The following RABEP1 variants were observed in gnomAD, a reference collection of about 807,000 sequenced individuals.
RABEP1 encodes rabaptin, RAB GTPase binding effector protein 1, also known as rab GTPase-binding effector protein 1.
RABEP1 carries 51 observed loss-of-function variants against 123.4 expected under a neutral mutation model. That is an observed-to-expected ratio of 0.41 (90% CI 0.33 to 0.52). The LOEUF (loss-of-function observed/expected upper bound fraction) is 0.52. Ranked by LOEUF, RABEP1 falls within the 20% of genes least tolerant of loss-of-function variation. The pLI, the probability that RABEP1 is intolerant of heterozygous loss-of-function variation, is 0.16. For missense variants in RABEP1, 888 were observed against 996.3 expected (o/e 0.89, Z 1.46); for synonymous variants, 347 against 355.2 (o/e 0.98, Z 0.26).
intron 10 of RABEP1, 56 bp downstream of exon 10, chr17:5,363,072 G>A (rs1909697492): frequency 7.6e-7 from 1 of 1,315,254 alleles, no homozygotes; most frequent in Non-Finnish European, 1.1e-6. Context: ...TGGAGGTGCA[G>A]AATTAATTGC....
At chr17:5,380,273 G>T in intron 15 of RABEP1, 91 bp from the exon 16 acceptor site, 2 of 785,284 alleles carry the variant, frequency 2.5e-6, no homozygotes, top group Non-Finnish European at 4.0e-6. Context: ...CGAGTGTCTT[G>T]GTGTAATTCT....
At chr17:5,292,157 T>G (rs2075039720) in intron 1 of RABEP1, among the ~76,000 whole-genome samples, 1 of 152,218 alleles carries the variant, frequency 6.6e-6, no homozygotes. Flanking sequence ...ACGATGTCTG[T>G]TAGTCTCACT....
intron 1 of RABEP1, among the ~76,000 whole-genome samples, chr17:5,290,309 C>T (rs867728241): frequency 7.9e-5 from 12 of 152,126 alleles, no homozygotes; most frequent in Admixed American, 4.6e-4. Context: ...AGGATGGTCT[C>T]GCTCTCCTGA....
chr17:5,328,061 A>G (rs903274611), intron 2 of RABEP1, among the ~76,000 whole-genome samples: 2 of 152,354 alleles, frequency 1.3e-5, no homozygotes, highest in Admixed American at 6.5e-5. Context: ...TCAACAGTCA[A>G]CAATGTTGAG....
At chr17:5,313,109 CAA>C (rs1243658811) in intron 2 of RABEP1, among the ~76,000 whole-genome samples, 1 of 152,098 alleles carries the variant, frequency 6.6e-6, no homozygotes, top group African/African-American at 2.4e-5. Context: ...GACTCTGTCT[CAA>C]GAGAAATAAG....
intron 3 of RABEP1, among the ~76,000 whole-genome samples, chr17:5,332,475 T>C (rs1169735963): frequency 6.6e-6 from 1 of 152,190 alleles, no homozygotes. Flanking sequence ...TTAAGCTGTA[T>C]GGGCACAGGG....
intron 13 of RABEP1, among the ~76,000 whole-genome samples, chr17:5,376,324 T>A (rs938193603): frequency 6.6e-6 from 1 of 152,180 alleles, no homozygotes; most frequent in African/African-American, 2.4e-5. Flanking sequence ...GAAGATCCTG[T>A]CTCAAGAAAA....
chr17:5,346,965 C>T lies in RABEP1; in HGVS notation c.784+40C>T, dbSNP rs775946399. 29 of 1,476,142 alleles carry T rather than the reference C, an allele frequency of 2.0e-5. No homozygotes were observed. In the East Asian group the frequency reaches 6.0e-4, roughly 30 times the overall value. 91.4% of individuals were successfully genotyped at this position (1,476,142 alleles called of 1,614,324 possible). A position where few individuals can be genotyped will look rare whatever the true frequency, so the allele number is the denominator to read the frequency against. ...TATTTTTATCTTTGTCTCTAAGAAC[C>T]ATATAAGTTAAATTGATGTTGACTA... On this transcript the variant is annotated intron_variant, in intron 6 of 17. Coordinates refer to ENST00000537505, the MANE Select transcript of RABEP1 (RefSeq NM_004703.6).
intron 1 of RABEP1, among the ~76,000 whole-genome samples, chr17:5,290,133 G>A (rs2075018782): frequency 6.6e-6 from 1 of 152,176 alleles, no homozygotes; most frequent in Admixed American, 6.5e-5. Context: ...TGTCGCCCAG[G>A]CTAGAGTGCA....
At position 5,370,995 on chromosome 17, in the gene RABEP1, C is replaced by A. The variant is rs113692675; in HGVS notation, c.1885-2319C>A. ...TTTTTTTTTGTTTTTGAGACGGAGT[C>A]TTGCTCTGTCGCCCAGGTTGGAGTG... On this transcript the variant is annotated intron_variant, in intron 12 of 17. Coordinates refer to ENST00000537505, the MANE Select transcript of RABEP1 (RefSeq NM_004703.6). Among the ~76,000 whole-genome samples, 495 of 150,274 alleles carry A rather than the reference C, an allele frequency of 3.3e-3. 3 individuals carry two copies. The highest frequency in any genetic ancestry group is 5.6e-3 in the Non-Finnish European group (379 of 67,790).
intron 3 of RABEP1, among the ~76,000 whole-genome samples, chr17:5,332,642 C>T (rs1172990325): frequency 7.5e-6 from 1 of 134,098 alleles, no homozygotes; most frequent in Non-Finnish European, 1.5e-5. Context: ...CTCTGTTGTC[C>T]AGCTTGGAGT....
chr17:5,305,542 C>T (rs563434422), intron 1 of RABEP1, among the ~76,000 whole-genome samples: 32 of 152,056 alleles, frequency 2.1e-4, no homozygotes, highest in African/African-American at 6.8e-4. Flanking sequence ...ATGGGTGTTT[C>T]GGTTATGTGT....
At chr17:5,288,632 T>G (rs1453640683) in intron 1 of RABEP1, among the ~76,000 whole-genome samples, 1 of 152,186 alleles carries the variant, frequency 6.6e-6, no homozygotes, top group East Asian at 1.9e-4. Flanking sequence ...TGACCTCAGA[T>G]GATGCATCCG....
At chr17:5,322,293 G>A (rs1246183157) in intron 2 of RABEP1, among the ~76,000 whole-genome samples, 1 of 152,186 alleles carries the variant, frequency 6.6e-6, no homozygotes, top group Non-Finnish European at 1.5e-5. Context: ...AGGAGTTTGA[G>A]GTTGCAGTGA....
At chr17:5,353,019 T>C (rs1908697756) in intron 7 of RABEP1, among the ~76,000 whole-genome samples, 1 of 152,230 alleles carries the variant, frequency 6.6e-6, no homozygotes, top group South Asian at 2.1e-4. Context: ...TCCTGTGTTC[T>C]AGAATAGTAA....
Position 5,384,002 on chromosome 17 carries a change from G to C in RABEP1, c.*779G>C, listed in dbSNP as rs1057166452. 1 of 219,638 alleles carries C rather than the reference G, an allele frequency of 4.6e-6. No homozygotes were observed. Among genetic ancestry groups the C allele is most frequent in the Non-Finnish European group, 9.1e-6 (1 of 109,380 alleles). The allele number at this position is 219,638 out of a possible 1,614,324, so 13.6% of individuals were successfully genotyped here. A position where few individuals can be genotyped will look rare whatever the true frequency, so the allele number is the denominator to read the frequency against. On this transcript the variant is annotated 3_prime_UTR_variant, in exon 18 of 18. Coordinates refer to ENST00000537505, the MANE Select transcript of RABEP1 (RefSeq NM_004703.6). The stretch of plus-strand genomic sequence containing the variant: ...AGGGTACCAGGATAAAGCCGAACTG[G>C]TACCATCTACTCTTTTGAAGTGTTT...
At chr17:5,372,921 C>G (rs546620544) in intron 12 of RABEP1, among the ~76,000 whole-genome samples, 1 of 152,236 alleles carries the variant, frequency 6.6e-6, no homozygotes, top group South Asian at 2.1e-4. Context: ...CTGTACCCAG[C>G]TAACTTTCTG....
intron 5 of RABEP1, among the ~76,000 whole-genome samples, chr17:5,340,230 AGTT>A (rs1336776647): frequency 6.6e-6 from 1 of 152,224 alleles, no homozygotes; most frequent in Non-Finnish European, 1.5e-5. Context: ...AGAACATAAT[AGTT>A]AAGAGCTCAG....
chr17:5,334,594 G>A (rs1364734191), intron 3 of RABEP1, among the ~76,000 whole-genome samples: 2 of 152,184 alleles, frequency 1.3e-5, no homozygotes, highest in Non-Finnish European at 2.9e-5. Context: ...TTGAAATCCT[G>A]GCTTCAAGTG....
Sources: allele counts gnomAD v4.1 joint callset (sites outside exome capture counted in the v4.1 genomes callset), GRCh38; gene constraint gnomAD v4.1.1; transcripts MANE v1.5; gene names NCBI Gene and HGNC (gene_info 2026-07-23, HGNC 2026-07-21).